The following NR5A2 variants were observed in gnomAD, a reference collection of about 807,000 sequenced individuals.
The protein encoded by NR5A2 is nuclear receptor subfamily 5 group A member 2, also known as CYP7A promoter-binding factor.
A neutral mutation model predicts 62.7 loss-of-function variants in NR5A2; 26 were observed. That is an observed-to-expected ratio of 0.41 (90% CI 0.30 to 0.58). The LOEUF (loss-of-function observed/expected upper bound fraction) is 0.58. Among genes scored for constraint, NR5A2 ranks in the 20% least tolerant of loss-of-function variants. The pLI is 0.22. For missense variants in NR5A2, 541 were observed against 669.1 expected (o/e 0.81, Z 2.11); for synonymous variants, 246 against 241.7 (o/e 1.02, Z -0.16).
intron 7 of NR5A2, among the ~76,000 whole-genome samples, chr1:200,155,940 T>C (rs1453633865): frequency 6.6e-6 from 1 of 152,128 alleles, no homozygotes. Flanking sequence ...CCCCAAGTGC[T>C]GGGATTACAG....
intron 5 of NR5A2, among the ~76,000 whole-genome samples, chr1:200,083,879 C>T (rs1023299680): frequency 6.6e-6 from 1 of 151,750 alleles, no homozygotes; most frequent in Admixed American, 6.6e-5. Flanking sequence ...GCAGGAGAAT[C>T]GCTTGAACCT....
Position 200,074,788 on chromosome 1 carries a change from A to ATT in NR5A2, c.1110+25981_1110+25982dup, listed in dbSNP as rs11465184. Among the ~76,000 whole-genome samples, 305 of 133,638 alleles carry ATT rather than the reference A, an allele frequency of 2.3e-3. 2 individuals are homozygous for ATT. The highest frequency in any genetic ancestry group is 4.1e-3 in the African/African-American group (147 of 36,050). The allele number at this position is 133,638 out of a possible 152,430, so 87.7% of individuals were successfully genotyped here. ...AGAAACACAAATCTCAAACACTTTA[A>ATT]TTTTTTTTTTTTAAATCACTATGGA... On this transcript the variant is annotated intron_variant, in intron 5 of 7. Coordinates refer to ENST00000367362, the MANE Select transcript of NR5A2 (RefSeq NM_205860.3).
rs1667783640 is a variant in NR5A2, at chr1:200,147,840, G to GAGC, written c.1379-26120_1379-26118dup. ...CCAGGTCCTGGCTGCAGCCATTGGT[G>GAGC]AGCAGTATGGCCACCTGCTTGTAGG... On this transcript the variant is annotated intron_variant, in intron 7 of 7. Transcript: ENST00000367362. The surrounding 1 kb of genome is among the most constrained non-coding windows in gnomAD (Gnocchi z 4.9). 2.2e-6 allele frequency: 1 copy of GAGC among 460,918 alleles called. No individual in the cohort carries two copies. Among genetic ancestry groups the GAGC allele is most frequent in the East Asian group, 4.7e-5 (1 of 21,094 alleles). 28.6% of individuals were successfully genotyped at this position (460,918 alleles called of 1,614,324 possible).
chr1:200,086,966 G>T (rs1163734403), intron 5 of NR5A2, among the ~76,000 whole-genome samples: 1 of 152,190 alleles, frequency 6.6e-6, no homozygotes, highest in African/African-American at 2.4e-5. Context: ...TTGAACCTGG[G>T]AGGTGGAGGT....
At chr1:200,074,101 G>A (rs1663886012) in intron 5 of NR5A2, among the ~76,000 whole-genome samples, 1 of 152,180 alleles carries the variant, frequency 6.6e-6, no homozygotes, top group East Asian at 1.9e-4. Flanking sequence ...AGGAATCAAT[G>A]ACATAATAAA....
At chr1:200,032,086 G>T (rs905165141) in intron 1 of NR5A2, among the ~76,000 whole-genome samples, 1 of 152,126 alleles carries the variant, frequency 6.6e-6, no homozygotes, top group Non-Finnish European at 1.5e-5. Context: ...CCACCCCCAG[G>T]GATGCACTAG....
chr1:200,156,261 G>A (rs189724560), intron 7 of NR5A2, among the ~76,000 whole-genome samples: 10 of 152,334 alleles, frequency 6.6e-5, no homozygotes, highest in South Asian at 2.1e-4. Context: ...TTGTGGGAAC[G>A]TCAGCAAACC....
intron 2 of NR5A2, among the ~76,000 whole-genome samples, chr1:200,040,102 A>G (rs893487106): frequency 3.3e-5 from 5 of 152,200 alleles, no homozygotes; most frequent in Non-Finnish European, 7.3e-5. Context: ...TAATAAGATC[A>G]TTCTAAGAAA....
At chr1:200,072,949 A>G (rs1663807793) in intron 5 of NR5A2, among the ~76,000 whole-genome samples, 2 of 152,274 alleles carry the variant, frequency 1.3e-5, no homozygotes, top group Middle Eastern at 3.4e-3. Context: ...TGCCAAGGAA[A>G]TTCTTTTACC....
At chr1:200,158,842 G>A (rs1199938852) in intron 7 of NR5A2, among the ~76,000 whole-genome samples, 2 of 151,768 alleles carry the variant, frequency 1.3e-5, no homozygotes, top group African/African-American at 4.8e-5. Flanking sequence ...TGTTAGGAAA[G>A]CAAAATTCCC....
intron 5 of NR5A2, among the ~76,000 whole-genome samples, chr1:200,108,970 A>G (rs1211625105): frequency 1.2e-4 from 18 of 152,220 alleles, no homozygotes; most frequent in Admixed American, 1.1e-3. Flanking sequence ...GTAAAACCAC[A>G]TGCCATTCTG....
chr1:200,107,259 A>ATTCAGTC lies in NR5A2; in HGVS notation c.1111-3942_1111-3936dup. Among the ~76,000 whole-genome samples the ATTCAGTC allele has an allele frequency of 1.3e-5, 2 of 151,130 alleles. 1 individual carries two copies. The highest frequency in any genetic ancestry group is 3.9e-4 in the East Asian group (2 of 5,144). On this transcript the variant is annotated intron_variant, in intron 5 of 7. Coordinates refer to ENST00000367362, the MANE Select transcript of NR5A2 (RefSeq NM_205860.3). ...ACAGAAAACTGCAGAAGTGAAAGTA[A>ATTCAGTC]TTCAGTCATTTGTTCCTTCATTTAG...
At chr1:200,164,300 G>A (rs1175531485) in intron 7 of NR5A2, among the ~76,000 whole-genome samples, 1 of 152,132 alleles carries the variant, frequency 6.6e-6, no homozygotes, top group Non-Finnish European at 1.5e-5. Context: ...GAACGGCCTA[G>A]TGGAAATACA....
chr1:200,099,755 G>A (rs537943676), intron 5 of NR5A2, among the ~76,000 whole-genome samples: 2 of 152,056 alleles, frequency 1.3e-5, no homozygotes, highest in East Asian at 1.9e-4. Context: ...CACCATGCCC[G>A]GCTAATTTTT....
chr1:200,077,285 G>A (rs1238125347), intron 5 of NR5A2, among the ~76,000 whole-genome samples: 1 of 152,252 alleles, frequency 6.6e-6, no homozygotes, highest in Non-Finnish European at 1.5e-5. Flanking sequence ...CCAAAGGAAA[G>A]ATTGGTATCA....
intron 5 of NR5A2, among the ~76,000 whole-genome samples, chr1:200,098,795 C>T (rs914680041): frequency 1.3e-5 from 2 of 152,172 alleles, no homozygotes; most frequent in African/African-American, 4.8e-5. Context: ...AAGGGTAGAC[C>T]ATTCACAGTG....
chr1:200,103,505 A>G (rs1320718783), intron 5 of NR5A2, among the ~76,000 whole-genome samples: 1 of 152,224 alleles, frequency 6.6e-6, no homozygotes, highest in Non-Finnish European at 1.5e-5. Context: ...GTCATAAGAA[A>G]GATGCCTACA....
chr1:200,126,596 C>T (rs901597746), intron 7 of NR5A2, among the ~76,000 whole-genome samples: 2 of 151,506 alleles, frequency 1.3e-5, no homozygotes, highest in Admixed American at 1.3e-4. Context: ...GACTAGAAAA[C>T]AGATTCTATG....
chr1:200,099,741 G>A (rs1306795433), intron 5 of NR5A2, among the ~76,000 whole-genome samples: 2 of 152,016 alleles, frequency 1.3e-5, no homozygotes, highest in Non-Finnish European at 1.5e-5. Context: ...CTACAGGCAC[G>A]TGCCACCATG....
Sources: allele counts gnomAD v4.1 joint callset (sites outside exome capture counted in the v4.1 genomes callset), GRCh38; gene constraint gnomAD v4.1.1; non-coding constraint Gnocchi (gnomAD v3.1); transcripts MANE v1.5; gene names NCBI Gene and HGNC (gene_info 2026-07-23, HGNC 2026-07-21).